AVEN: variants seen among roughly 807,000 people sequenced by gnomAD.
The protein encoded by AVEN is apoptosis and caspase activation inhibitor.
A neutral mutation model predicts 38.1 loss-of-function variants in AVEN; 41 were observed. The observed-to-expected ratio is 1.08, with a 90% confidence interval of 0.84 to 1.40. The LOEUF is 1.40. Ranked by LOEUF, AVEN falls within the 40% of genes most tolerant of loss-of-function variation. The pLI, the probability that AVEN is intolerant of heterozygous loss-of-function variation, is 0.00. For synonymous variants in AVEN, 206 were observed against 171.8 expected (o/e 1.20, Z -1.56); for missense variants, 605 against 438.8 (o/e 1.38, Z -3.38).
chr15:34,067,632 C>G (rs781712081), intron 2 of AVEN, among the ~76,000 whole-genome samples: 5 of 152,166 alleles, frequency 3.3e-5, no homozygotes, highest in Admixed American at 6.5e-5. Flanking sequence ...TTCCTCCTTC[C>G]CTCTAAGTTA....
At chr15:33,885,383 T>C (rs1261256206) in intron 2 of AVEN, among the ~76,000 whole-genome samples, 1 of 152,134 alleles carries the variant, frequency 6.6e-6, no homozygotes, top group Non-Finnish European at 1.5e-5. Flanking sequence ...ACATAAAAAT[T>C]CTTCACCACT....
downstream of AVEN, chr15:33,865,416 G>GGAGA: frequency 1.9e-6 from 1 of 530,282 alleles, no homozygotes; most frequent in Non-Finnish European, 3.3e-6. Flanking sequence ...ATACACTGTG[G>GGAGA]GAGAGAACCT....
At chr15:33,933,894 G>A (rs1464740720) in intron 2 of AVEN, among the ~76,000 whole-genome samples, 1 of 152,154 alleles carries the variant, frequency 6.6e-6, no homozygotes, top group African/African-American at 2.4e-5. Context: ...GGGAGGCAGA[G>A]GTTGCAGTGA....
At chr15:33,916,590 C>T (rs1021169064) in intron 2 of AVEN, among the ~76,000 whole-genome samples, 5 of 152,016 alleles carry the variant, frequency 3.3e-5, no homozygotes, top group Admixed American at 3.3e-4. Context: ...TGAAAAAATG[C>T]TCAACATCAC....
chr15:33,866,701 T>C lies in AVEN; in HGVS notation c.1001A>G (p.Glu334Gly), dbSNP rs186410242. Reference protein sequence around the residue: ...EVCAKPSVTEEKNMEPEQPST... With the variant: ...EVCAKPSVTEGKNMEPEQPST... Reference sequence around the variant, plus strand: ...TGGTTGCTCAGGTTCCATGTTTTTTTCTTCAGTCACAGATGGTTTTGCACA... The same window carrying C: ...TGGTTGCTCAGGTTCCATGTTTTTTCCTTCAGTCACAGATGGTTTTGCACA... Residue 334 changes from glutamate to glycine, a missense_variant, in exon 6 of 6, where the codon GAA becomes GGA. Coordinates refer to ENST00000306730, the MANE Select transcript of AVEN (RefSeq NM_020371.3). 3.6e-4 allele frequency: 578 copies of C among 1,614,102 alleles called. 3 individuals carry two copies. The highest frequency in any genetic ancestry group is 4.3e-5 in the Non-Finnish European group (51 of 1,179,954).
rs748659662 is a variant in AVEN at position 33,866,597 on chromosome 15, A to C, written c.*16T>G. On this transcript the variant is annotated 3_prime_UTR_variant, in exon 6 of 6. Coordinates refer to ENST00000306730, the MANE Select transcript of AVEN (RefSeq NM_020371.3). ...AAGGCAACCAAGATTTGCTTCAGGC[A>C]CTTTTTTTCCCCTTTTTAGGAAATC... 1.9e-6 allele frequency: 3 copies of C among 1,602,798 alleles called. No individual in the cohort carries two copies. The highest frequency in any genetic ancestry group is 4.5e-5 in the East Asian group (2 of 44,816).
At chr15:33,960,297 A>G (rs1373468505) in intron 2 of AVEN, among the ~76,000 whole-genome samples, 1 of 152,150 alleles carries the variant, frequency 6.6e-6, no homozygotes, top group African/African-American at 2.4e-5. Context: ...AGGATCCTGA[A>G]AATTGCAGCT....
chr15:33,877,238 ATC>A (rs1329987914), intron 2 of AVEN, among the ~76,000 whole-genome samples: 1 of 152,212 alleles, frequency 6.6e-6, no homozygotes, highest in Non-Finnish European at 1.5e-5. Flanking sequence ...CAATCTTCTC[ATC>A]TAAATAACTG....
intron 2 of AVEN, among the ~76,000 whole-genome samples, chr15:33,958,161 ACC>A (rs1336839919): frequency 6.6e-6 from 1 of 152,224 alleles, no homozygotes; most frequent in Non-Finnish European, 1.5e-5. Flanking sequence ...TGTAAATTAT[ACC>A]CCAAATTTTA....
intron 2 of AVEN, among the ~76,000 whole-genome samples, chr15:33,950,888 T>A (rs958207768): frequency 6.6e-6 from 1 of 152,120 alleles, no homozygotes; most frequent in African/African-American, 2.4e-5. Flanking sequence ...ATGCTTGTAG[T>A]CCCAGCTACT....
At chr15:33,864,207 A>C, downstream of AVEN, 1 of 1,595,286 alleles carries the variant, frequency 6.3e-7, no homozygotes, top group Non-Finnish European at 8.6e-7. Context: ...ATTAAGAATC[A>C]TATACCCGTG....
At chr15:34,071,058 C>G (rs138189757) in intron 1 of AVEN, among the ~76,000 whole-genome samples, 3 of 152,258 alleles carry the variant, frequency 2.0e-5, no homozygotes, top group Admixed American at 6.5e-5. Flanking sequence ...AAACCTCATC[C>G]CACCCACCAG....
intron 2 of AVEN, among the ~76,000 whole-genome samples, chr15:33,880,782 T>C (rs770786463): frequency 1.3e-5 from 2 of 152,012 alleles, no homozygotes. Context: ...CTGAAAAAGA[T>C]CCACAGAGAT....
chr15:34,073,989 C>CTTTTTTTTTTTTTTTTT (rs5811818), intron 1 of AVEN, among the ~76,000 whole-genome samples: 5 of 31,472 alleles, frequency 1.6e-4, no homozygotes, highest in African/African-American at 2.6e-4. Context: ...TCTTCTTCTT[C>CTTTTTTTTTTTTTTTTT]TTTTTTTTTT....
At chr15:33,951,515 A>T (rs143345316) in intron 2 of AVEN, among the ~76,000 whole-genome samples, 6 of 152,130 alleles carry the variant, frequency 3.9e-5, no homozygotes, top group East Asian at 1.9e-4. Context: ...TACATATGTA[A>T]CAAACCTGCA....
downstream of AVEN, chr15:33,854,355 T>G (rs2079421434): frequency 2.0e-6 from 3 of 1,533,052 alleles, no homozygotes; most frequent in East Asian, 7.2e-5. Context: ...CCTCTTGACA[T>G]TTATAAGTTT....
At chr15:34,009,810 G>A (rs527831089) in intron 1 of AVEN, among the ~76,000 whole-genome samples, 11 of 152,134 alleles carry the variant, frequency 7.2e-5, no homozygotes, top group African/African-American at 2.2e-4. Flanking sequence ...GCAACATAGA[G>A]AGCATTGCTA....
intron 5 of AVEN, among the ~76,000 whole-genome samples, chr15:34,061,336 G>C (rs537868504): frequency 8.1e-4 from 123 of 152,188 alleles, no homozygotes; most frequent in Non-Finnish European, 1.4e-3. Context: ...ATTAAATATA[G>C]TACATCCATT....
chr15:33,881,629 A>C (rs1396619969), intron 2 of AVEN, among the ~76,000 whole-genome samples: 1 of 152,264 alleles, frequency 6.6e-6, no homozygotes, highest in African/African-American at 2.4e-5. Context: ...AAGTCTTTCT[A>C]GAAAACATAT....
Sources: gnomAD v4.1 joint callset for allele counts (sites outside exome capture counted in the v4.1 genomes callset) on GRCh38, gnomAD v4.1.1 for gene constraint, MANE v1.5 for transcripts, NCBI Gene and HGNC (gene_info 2026-07-23, HGNC 2026-07-21) for gene names.